PRRC2C: variants seen among roughly 807,000 people sequenced by gnomAD.
The protein encoded by PRRC2C is protein PRRC2C.
A neutral mutation model predicts 317.2 loss-of-function variants in PRRC2C; 72 were observed. That is an observed-to-expected ratio of 0.23 (90% confidence interval 0.19 to 0.28). PRRC2C has a LOEUF of 0.28. Ranked by LOEUF, PRRC2C falls within the 10% of genes least tolerant of loss-of-function variation. PRRC2C has a pLI of 1.00. For synonymous variants in PRRC2C, 1,296 were observed against 1,205.9 expected (o/e 1.07, Z -1.55); for missense variants, 3,074 against 3,459.7 (o/e 0.89, Z 2.80).
intron 11 of PRRC2C, among the ~76,000 whole-genome samples, chr1:171,531,610 T>G (rs1395222845): frequency 6.6e-6 from 1 of 152,162 alleles, no homozygotes; most frequent in African/African-American, 2.4e-5. Flanking sequence ...TTAAAAACAT[T>G]TTTTTAATTA....
At position 171,591,940 on chromosome 1, in the gene PRRC2C, C is replaced by T; in HGVS notation, c.*93C>T. On this transcript the variant is annotated 3_prime_UTR_variant, in exon 35 of 35. Coordinates refer to ENST00000647382, the MANE Select transcript of PRRC2C (RefSeq NM_001387844.1). ...CTGGCAGCCAAAGGGGCAAAATGGC[C>T]TGTGACATTATCCTGTTCAGAGCTT... 1.4e-6 allele frequency: 2 copies of T among 1,461,646 alleles called. No homozygotes were observed. Among genetic ancestry groups the T allele is most frequent in the East Asian group, 2.3e-5 (1 of 43,860 alleles). 90.5% of individuals were successfully genotyped at this position (1,461,646 alleles called of 1,614,324 possible). A position where few individuals can be genotyped will look rare whatever the true frequency, so the allele number is the denominator to read the frequency against.
intron 5 of PRRC2C, 94 bp downstream of exon 5, chr1:171,515,953 C>T: frequency 7.3e-7 from 1 of 1,369,220 alleles, no homozygotes; most frequent in Non-Finnish European, 9.7e-7. Flanking sequence ...TATTATTTGC[C>T]TACTTCGAAA....
Position 171,574,960 on chromosome 1 carries a change from C to T in PRRC2C, c.6787C>T (p.Pro2263Ser). 6.2e-7 allele frequency: 1 copy of T among 1,613,816 alleles called. No individual in the cohort carries two copies. Among genetic ancestry groups the T allele is most frequent in the Non-Finnish European group, 8.5e-7 (1 of 1,179,856 alleles). Reference sequence around the variant, plus strand: ...TGCACGCAAAGCATGGGAGAATTCTCCAAATGTAAGGGAAAAGGGGTCTCC... The same window carrying T: ...TGCACGCAAAGCATGGGAGAATTCTTCAAATGTAAGGGAAAAGGGGTCTCC... ...ESARKAWENS[P>S]NVREKGSPVT... Residue 2263 changes from proline to serine, a missense_variant, in exon 25 of 35, where the codon CCA becomes TCA. Coordinates refer to ENST00000647382, the MANE Select transcript of PRRC2C (RefSeq NM_001387844.1).
rs578163138 is a variant in PRRC2C at position 171,551,533 on chromosome 1, T to G, written c.5127+1293T>G. 3.9e-5 allele frequency among the ~76,000 whole-genome samples: 6 copies of G among 152,320 alleles called. No homozygotes were observed. The South Asian group carries it at 1.2e-3, about 32-fold the overall frequency. ...TTGGTATTTTAGTCACCAAGTCCTT[T>G]CCCATGCCTATATCCTGAATGGTAT... On this transcript the variant is annotated intron_variant, in intron 18 of 34. Transcript: ENST00000647382.
chr1:171,507,814 C>T (rs760967907), intron 1 of PRRC2C, among the ~76,000 whole-genome samples: 4 of 152,088 alleles, frequency 2.6e-5, no homozygotes, highest in Admixed American at 1.3e-4. Context: ...CTATTTATTT[C>T]GATTTCTTGT....
At chr1:171,560,968 T>C (rs775959364) in intron 19 of PRRC2C, 50 bp from the exon 20 acceptor site, 1 of 1,416,110 alleles carries the variant, frequency 7.1e-7, no homozygotes, top group Non-Finnish European at 1.0e-6. Context: ...GGGTTAGAGA[T>C]TATTAGACTC....
intron 10 of PRRC2C, among the ~76,000 whole-genome samples, chr1:171,526,139 GAC>G: frequency 6.6e-6 from 1 of 152,158 alleles, no homozygotes; most frequent in East Asian, 1.9e-4. Context: ...ACAGTCATGT[GAC>G]AGTTTATATT....
intron 1 of PRRC2C, among the ~76,000 whole-genome samples, chr1:171,503,796 A>G (rs1445838849): frequency 1.3e-5 from 2 of 152,218 alleles, no homozygotes. Flanking sequence ...ACAGTTCCAC[A>G]TGGCTGGGGA....
intron 24 of PRRC2C, among the ~76,000 whole-genome samples, chr1:171,572,242 G>T (rs1684897650): frequency 6.6e-6 from 1 of 152,080 alleles, no homozygotes; most frequent in Non-Finnish European, 1.5e-5. Context: ...ACCTGCCTCA[G>T]CCTCCCAAAG....
At chr1:171,515,933 C>T in intron 5 of PRRC2C, 74 bp downstream of exon 5, 1 of 1,442,148 alleles carries the variant, frequency 6.9e-7, no homozygotes, top group East Asian at 2.3e-5. Context: ...CTCCTGCTTG[C>T]TGTTGCATAT....
Position 171,586,990 on chromosome 1 carries a change from A to G in PRRC2C, c.7750-13A>G. 6.4e-7 allele frequency: 1 copy of G among 1,560,482 alleles called. No individual in the cohort carries two copies. Among genetic ancestry groups the G allele is most frequent in the South Asian group, 1.2e-5 (1 of 86,476 alleles). On this transcript the variant is annotated splice_polypyrimidine_tract_variant and intron_variant, in intron 30 of 34. Coordinates refer to ENST00000647382, the MANE Select transcript of PRRC2C (RefSeq NM_001387844.1). ...AAACAAATTGCTTCAGTTTCTCTTT[A>G]CTTATTTTCTAGGTTACAGTACCTT...
At chr1:171,544,962 T>C (rs1678783718) in intron 16 of PRRC2C, among the ~76,000 whole-genome samples, 1 of 152,256 alleles carries the variant, frequency 6.6e-6, no homozygotes, top group Admixed American at 6.5e-5. Context: ...CTGTAGGGGA[T>C]ACATTTGGTT....
chr1:171,560,632 G>A (rs1275393764), intron 19 of PRRC2C, among the ~76,000 whole-genome samples: 1 of 152,224 alleles, frequency 6.6e-6, no homozygotes, highest in African/African-American at 2.4e-5. Context: ...CAAAGGCTAA[G>A]ATGATGATTA....
chr1:171,591,657 T>C lies in PRRC2C; in HGVS notation c.8507T>C (p.Ile2836Thr), dbSNP rs1651468817. ...TCTGAACAGCAACAGAGCAAACAGA[T>C]AGGAGGAGGCAAAGCCCAGAAAGTG... ...FFSEQQQSKQ[I>T]GGGKAQKVDS... The change falls in exon 35 of 35, where the codon ATA becomes ACA. Residue 2836 changes from isoleucine (I) to threonine (T), a missense_variant. Transcript: ENST00000647382. The C allele has an allele frequency of 6.2e-7, 1 of 1,613,912 alleles. No homozygotes were observed. Among genetic ancestry groups the C allele is most frequent in the South Asian group, 1.1e-5 (1 of 91,076 alleles).
At chr1:171,533,839 G>A (rs556218509) in intron 12 of PRRC2C, among the ~76,000 whole-genome samples, 4 of 152,260 alleles carry the variant, frequency 2.6e-5, no homozygotes, top group Non-Finnish European at 5.9e-5. Context: ...GGCTAGCATA[G>A]CCTCAATCTC....
intron 25 of PRRC2C, among the ~76,000 whole-genome samples, chr1:171,576,202 TG>T (rs1018093420): frequency 2.0e-5 from 3 of 152,124 alleles, no homozygotes; most frequent in Non-Finnish European, 4.4e-5. Flanking sequence ...CACTTTGGGA[TG>T]GGGGGGTTAG....
In PRRC2C at chr1:171,517,640, A is replaced by C; in HGVS notation, c.576A>C (p.Ser192=). ...DGGKAAGSPS[S]SDQDEKLPGQ... is the part of the protein sequence containing the mutation. ...GTAAGGCTGCTGGCTCACCTTCGTC[A>C]TCTGATCAAGATGAAAAGCTCCCTG... The change falls in exon 6 of 35, where the codon TCA becomes TCC. Residue 192 remains serine, a synonymous_variant. Transcript: ENST00000647382. 1.2e-6 allele frequency: 2 copies of C among 1,612,512 alleles called. No homozygotes were observed. The highest frequency in any genetic ancestry group is 1.7e-6 in the Non-Finnish European group (2 of 1,179,666).
At chr1:171,512,233 ATGGTTT>A in intron 2 of PRRC2C, 33 bp downstream of exon 2, 1 of 1,425,280 alleles carries the variant, frequency 7.0e-7, no homozygotes, top group Non-Finnish European at 9.7e-7. Context: ...TATGTTTTTC[ATGGTTT>A]GTTTTGTTAC....
At position 171,557,396 on chromosome 1, in the gene PRRC2C, G is replaced by A; in HGVS notation, c.5284G>A (p.Ala1762Thr). 1 of 1,550,182 alleles carries A rather than the reference G, an allele frequency of 6.5e-7. No homozygotes were observed. The change falls in exon 19 of 35, where the codon GCT (alanine) becomes ACT (threonine). Residue 1762 changes from alanine (A) to threonine (T), a missense_variant. Ala to Thr is a moderately conservative substitution (Grantham distance 58). Coordinates refer to ENST00000647382, the MANE Select transcript of PRRC2C (RefSeq NM_001387844.1). ...GGCTCCACTTCCACCTTCAACCTCA[G>A]CTTCAGTTCCAGCCTCAACCTCAGC... ...ASAPLPPSTSASVPASTSAPL... is the reference protein window; with the variant it reads ...ASAPLPPSTSTSVPASTSAPL...
Sources: allele counts gnomAD v4.1 joint callset (sites outside exome capture counted in the v4.1 genomes callset), GRCh38; gene constraint gnomAD v4.1.1; transcripts MANE v1.5; gene names NCBI Gene and HGNC (gene_info 2026-07-23, HGNC 2026-07-21).